Variants in ADGRL1 observed in about 807,000 individuals in gnomAD.
ADGRL1 encodes the protein CIRL-1.
A neutral mutation model predicts 148.9 loss-of-function variants in ADGRL1; 31 were observed. The observed-to-expected ratio is 0.21, with a 90% CI of 0.16 to 0.28. The LOEUF is 0.28. Ranked by LOEUF, ADGRL1 falls within the 10% of genes least tolerant of loss-of-function variation. The pLI, the probability that ADGRL1 is intolerant of heterozygous loss-of-function variation, is 1.00. For missense variants in ADGRL1, 1,521 were observed against 2,058.8 expected, an observed-to-expected ratio of 0.74 and a Z score of 5.05; for synonymous variants, 937 against 900.3, an observed-to-expected ratio of 1.04 and a Z score of -0.73.
Position 14,149,913 on chromosome 19 carries a change from TTTTC to T in ADGRL1, c.*956_*959del, listed in dbSNP as rs1457625224. The T allele has an allele frequency of 1.4e-5, 2 of 147,802 alleles. No homozygotes were observed. The highest frequency in any genetic ancestry group is 2.1e-4 in the South Asian group (1 of 4,732). 9.2% of individuals were successfully genotyped at this position (147,802 alleles called of 1,614,324 possible). ...CGGTGGCTTCAAGTGATGAGATTTTTTTTCTTTTCTTTTTTTTTTTTTTTGTCTT... is the reference window on the plus strand; with the variant it reads ...CGGTGGCTTCAAGTGATGAGATTTTTTTTTCTTTTTTTTTTTTTTTGTCTT... On this transcript the variant is annotated 3_prime_UTR_variant, in exon 23 of 23. Coordinates refer to ENST00000361434, the MANE Select transcript of ADGRL1 (RefSeq NM_014921.5).
chr19:14,166,935 G>T, intron 4 of ADGRL1: 3 of 1,403,308 alleles, frequency 2.1e-6, no homozygotes, highest in Non-Finnish European at 3.0e-6. Flanking sequence ...AGAAGGGGCC[G>T]GGGGAGGGCA....
Position 14,162,652 on chromosome 19 carries a change from G to A in ADGRL1, c.1149C>T (p.Phe383=), listed in dbSNP as rs771741949. Residue 383 remains phenylalanine, a synonymous_variant, in exon 5 of 23, where the codon TTC becomes TTT. Coordinates refer to ENST00000361434, the MANE Select transcript of ADGRL1 (RefSeq NM_014921.5). The surrounding 1 kb of genome is among the most constrained non-coding windows in gnomAD (Gnocchi z 5.4). ...CGAACTCCAGGCTGTAGCGCACCACGAAATAGTTGTTCCAGACGTACAGCT... is the reference window on the plus strand; with the variant it reads ...CGAACTCCAGGCTGTAGCGCACCACAAAATAGTTGTTCCAGACGTACAGCT... ...DNQLYVWNNY[F]VVRYSLEFGP... 5.6e-6 allele frequency: 9 copies of A among 1,613,354 alleles called. No individual in the cohort carries two copies. Among genetic ancestry groups the A allele is most frequent in the East Asian group, 2.2e-5 (1 of 44,864 alleles).
chr19:14,205,169 C>A (rs1271600363), intron 1 of ADGRL1, among the ~76,000 whole-genome samples: 1 of 152,066 alleles, frequency 6.6e-6, no homozygotes, highest in East Asian at 1.9e-4. Flanking sequence ...CCCACCACTT[C>A]AGGCCTGGAC....
Position 14,150,983 on chromosome 19 carries a change from C to T in ADGRL1, c.4300G>A (p.Gly1434Ser), listed in dbSNP as rs1171663344. 1.3e-6 allele frequency: 2 copies of T among 1,597,334 alleles called. No individual in the cohort carries two copies. Among genetic ancestry groups the T allele is most frequent in the African/African-American group, 2.7e-5 (2 of 74,506 alleles). The change falls in exon 23 of 23, where the codon GGC (glycine) becomes AGC (serine). Residue 1434 changes from glycine to serine, a missense_variant. Physicochemically the swap from Gly to Ser is moderately conservative, Grantham distance 56. Around this residue, in one of 8 missense-constraint regions of ADGRL1, gnomAD observed 390 missense variants for 375.0 expected, o/e 1.04. Coordinates refer to ENST00000361434, the MANE Select transcript of ADGRL1 (RefSeq NM_014921.5). ...PALVARNPLQ[G>S]YYQVRRPSHE... The stretch of plus-strand genomic sequence containing the variant: ...CTAGGACGCCGCACCTGGTAGTAGC[C>T]CTGCAGGGGATTCCGGGCCACCAGG...
At position 14,163,204 on chromosome 19, in the gene ADGRL1, G is replaced by GGTGGTGGT; in HGVS notation, c.589_596dup (p.Tyr200ProfsTer91). 6.2e-7 allele frequency: 1 copy of GGTGGTGGT among 1,614,072 alleles called. No individual in the cohort carries two copies. ...CATCCACGCGGTTGGGCAGGCGGTAGGTGGTGGTGTGGCGGGCGGCCACGT... is the reference window on the plus strand; with the variant it reads ...CATCCACGCGGTTGGGCAGGCGGTAGGTGGTGGTGTGGTGGTGTGGCGGGCGGCCACGT... On this transcript the variant is annotated frameshift_variant, in exon 5 of 23. Transcript: ENST00000361434. LOFTEE classifies it high-confidence loss of function.
At position 14,162,786 on chromosome 19, in the gene ADGRL1, C is replaced by T. The variant is rs573132089; in HGVS notation, c.1015G>A (p.Val339Met). 1.0e-4 allele frequency: 162 copies of T among 1,614,186 alleles called. 2 individuals are homozygous for T. The South Asian group carries it at 1.6e-3, about 16-fold the overall frequency. The change falls in exon 5 of 23, where the codon GTG becomes ATG. Residue 339 changes from valine (V) to methionine (M), a missense_variant. Physicochemically the swap from Val to Met is conservative, Grantham distance 21. Around this residue, in one of 8 missense-constraint regions of ADGRL1, gnomAD observed 334 missense variants for 512.5 expected, o/e 0.65. Transcript: ENST00000361434. The surrounding 1 kb of genome is among the most constrained non-coding windows in gnomAD (Gnocchi z 5.4). ...DDDSEAAGNR[V>M]DYAFNTNANR... ...GCATTGGTGTTGAAGGCATAGTCCA[C>T]GCGGTTGCCAGCCGCCTCGCTGTCA...
chr19:14,186,631 G>A (rs1000432974), intron 1 of ADGRL1, among the ~76,000 whole-genome samples: 6 of 152,026 alleles, frequency 3.9e-5, no homozygotes, highest in Non-Finnish European at 8.8e-5. Context: ...CTCCCAATCC[G>A]CCCTTCACTC....
Position 14,155,723 on chromosome 19 carries a change from G to A in ADGRL1, c.3126-196C>T, listed in dbSNP as rs1049589343. On this transcript the variant is annotated intron_variant, in intron 17 of 22. Coordinates refer to ENST00000361434, the MANE Select transcript of ADGRL1 (RefSeq NM_014921.5). The surrounding 1 kb of genome is among the most constrained non-coding windows in gnomAD (Gnocchi z 5.0). Reference sequence around the variant, plus strand: ...ACCGGAGCCTGGGCCTGAGGGAAAGGTACTGGGTCAGGGGTCGGGGTATTG... The same window carrying A: ...ACCGGAGCCTGGGCCTGAGGGAAAGATACTGGGTCAGGGGTCGGGGTATTG... 5.0e-5 allele frequency: 30 copies of A among 599,548 alleles called. No individual in the cohort carries two copies. Among genetic ancestry groups the A allele is most frequent in the Non-Finnish European group, 8.3e-5 (28 of 338,378 alleles). The allele number at this position is 599,548 out of a possible 1,614,324, so 37.1% of individuals were successfully genotyped here. A position where few individuals can be genotyped will look rare whatever the true frequency, so the allele number is the denominator to read the frequency against.
In ADGRL1 at chr19:14,166,562, C is replaced by CAG. The variant is rs370519604; in HGVS notation, c.395-3158_395-3157dup. On this transcript the variant is annotated intron_variant, in intron 4 of 22. Coordinates refer to ENST00000361434, the MANE Select transcript of ADGRL1 (RefSeq NM_014921.5). The stretch of plus-strand genomic sequence containing the variant: ...GAAGGAGGAAGAGAGAGGGGAGAGA[C>CAG]AGAGAGAGAGAGAGAGAGAAAGAGA... Among the ~76,000 whole-genome samples the CAG allele has an allele frequency of 6.1e-4, 90 of 148,158 alleles. 1 individual carries two copies. The highest frequency in any genetic ancestry group is 3.5e-3 in the Middle Eastern group (1 of 288).
In ADGRL1 at chr19:14,151,597, C is replaced by A. The variant is rs755456988; in HGVS notation, c.3686G>T (p.Arg1229Leu). 1 of 1,603,084 alleles carries A rather than the reference C, an allele frequency of 6.2e-7. No homozygotes were observed. The highest frequency in any genetic ancestry group is 1.1e-5 in the South Asian group (1 of 90,506). ...YREPKHPLGG[R>L]EACGMDTLPL... Reference sequence around the variant, plus strand: ...CAGGGTGTCCATGCCACAGGCTTCCCGGCCTCCCAAGGGGTGCTCTGCAGG... The same window carrying A: ...CAGGGTGTCCATGCCACAGGCTTCCAGGCCTCCCAAGGGGTGCTCTGCAGG... Residue 1229 changes from arginine to leucine, a missense_variant, in exon 23 of 23, where the codon CGG (arginine) becomes CTG (leucine). Arg to Leu is a moderately radical substitution (Grantham distance 102). Transcript: ENST00000361434.
intron 18 of ADGRL1, among the ~76,000 whole-genome samples, chr19:14,153,459 G>A (rs1216615962): frequency 4.3e-5 from 6 of 140,178 alleles, no homozygotes; most frequent in South Asian, 2.2e-4. Context: ...ACTGTCACTC[G>A]GGCTGGAGTG....
intron 2 of ADGRL1, among the ~76,000 whole-genome samples, chr19:14,181,331 G>A (rs557093338): frequency 1.3e-5 from 2 of 152,352 alleles, no homozygotes; most frequent in East Asian, 3.9e-4. Context: ...TGCAGATTCG[G>A]GCCCCATACT....
rs1267826476 is a variant in ADGRL1 at position 14,152,772 on chromosome 19, C to A, written c.3423+12G>T. On this transcript the variant is annotated intron_variant, in intron 19 of 22. Coordinates refer to ENST00000361434, the MANE Select transcript of ADGRL1 (RefSeq NM_014921.5). This position sits in a 1 kb window ranked among gnomAD's most constrained non-coding sequence, Gnocchi z 6.1. ...AACACTCAGCCCCAGGGAGTCCTGT[C>A]TGGCCCGATACCTGGGTCCCTGTGT... 3.7e-6 allele frequency: 6 copies of A among 1,613,618 alleles called. No individual in the cohort carries two copies. Among genetic ancestry groups the A allele is most frequent in the Non-Finnish European group, 5.1e-6 (6 of 1,179,756 alleles).
intron 4 of ADGRL1, among the ~76,000 whole-genome samples, chr19:14,164,000 G>GT (rs1969705665): frequency 2.6e-5 from 4 of 151,932 alleles, no homozygotes; most frequent in African/African-American, 9.7e-5. Flanking sequence ...AGGTAGAGTG[G>GT]TGTTTCCATA....
intron 4 of ADGRL1, among the ~76,000 whole-genome samples, chr19:14,167,534 G>T (rs886549794): frequency 2.6e-5 from 4 of 152,148 alleles, no homozygotes; most frequent in Non-Finnish European, 5.9e-5. Context: ...CCAGGGGAAG[G>T]ATTTCAGTGT....
At chr19:14,163,506 A>C in intron 4 of ADGRL1, 100 bp from the exon 5 acceptor site, 1 of 875,604 alleles carries the variant, frequency 1.1e-6, no homozygotes, top group Non-Finnish European at 1.7e-6. Context: ...GAGGGGGGAG[A>C]GAGGCAAGTT....
rs372890066 is a variant in ADGRL1, at chr19:14,160,573, C to T, written c.1614+20G>A. The T allele has an allele frequency of 2.4e-5, 37 of 1,558,396 alleles. No homozygotes were observed. The Admixed American group carries it at 2.4e-4, about 10-fold the overall frequency. On this transcript the variant is annotated intron_variant, in intron 7 of 22. Transcript: ENST00000361434. This position sits in a 1 kb window ranked among gnomAD's most constrained non-coding sequence, Gnocchi z 5.9. ...GGGCCCGAGCACATGTGCCTGCCTG[C>T]GAGGGGTGGTGGCTGGTACCTTCTG...
At chr19:14,166,628 A>C (rs1212051086) in intron 4 of ADGRL1, among the ~76,000 whole-genome samples, 1 of 151,702 alleles carries the variant, frequency 6.6e-6, no homozygotes, top group Non-Finnish European at 1.5e-5. Context: ...CCAGTGGGGG[A>C]GCCGGGGAAG....
chr19:14,161,455 A>G lies in ADGRL1; in HGVS notation c.1367T>C (p.Val456Ala). The G allele has an allele frequency of 6.8e-7, 1 of 1,463,436 alleles. No individual in the cohort carries two copies. Among genetic ancestry groups the G allele is most frequent in the Non-Finnish European group, 9.0e-7 (1 of 1,106,032 alleles). The allele number at this position is 1,463,436 out of a possible 1,614,324, so 90.7% of individuals were successfully genotyped here. A position where few individuals can be genotyped will look rare whatever the true frequency, so the allele number is the denominator to read the frequency against. The change falls in exon 6 of 23, where the codon GTC becomes GCC. Residue 456 changes from valine (V) to alanine (A), a missense_variant. This residue lies in a region of ADGRL1 where 270 missense variants were observed against 320.4 expected (regional missense o/e 0.84). Transcript: ENST00000361434. The surrounding 1 kb of genome is among the most constrained non-coding windows in gnomAD (Gnocchi z 4.4). ...GGCTGGGGGCCGCCGGGTGCTGGGG[A>G]CTGGGGCTGTGGCTGGAGGCAGATC... is the stretch of plus-strand genomic sequence containing the variant. Reference protein sequence around the residue: ...GPDLPPATAPVPSTRRPPAPN... With the variant: ...GPDLPPATAPAPSTRRPPAPN...
Sources: allele counts gnomAD v4.1 joint callset (sites outside exome capture counted in the v4.1 genomes callset), GRCh38; gene constraint gnomAD v4.1.1; regional missense constraint gnomAD v4.1.1; non-coding constraint Gnocchi (gnomAD v3.1); transcripts MANE v1.5; gene names NCBI Gene and HGNC (gene_info 2026-07-23, HGNC 2026-07-21).